Variants in EYS observed in about 807,000 individuals in gnomAD.
The protein encoded by EYS is protein eyes shut homolog.
EYS carries 250 observed loss-of-function variants against 282.1 expected under a neutral mutation model. The observed-to-expected ratio is 0.89, with a 90% confidence interval of 0.80 to 0.98. EYS has a LOEUF of 0.98. Among genes scored for constraint, EYS ranks in the 50% least tolerant of loss-of-function variants. The pLI, the probability that EYS is intolerant of heterozygous loss-of-function variation, is 0.00. For missense variants in EYS, 4,016 were observed against 3,709.0 expected, an observed-to-expected ratio of 1.08 and a Z score of -2.15; for synonymous variants, 1,355 against 1,282.9, an observed-to-expected ratio of 1.06 and a Z score of -1.20.
chr6:65,568,730 A>G (rs1441116572), intron 2 of EYS, among the ~76,000 whole-genome samples: 1 of 152,204 alleles, frequency 6.6e-6, no homozygotes, highest in Non-Finnish European at 1.5e-5. Flanking sequence ...GTTGAGAAAC[A>G]GTGCTGTGTA....
intron 12 of EYS, among the ~76,000 whole-genome samples, chr6:65,074,367 C>T (rs1484966304): frequency 2.0e-5 from 3 of 151,908 alleles, no homozygotes; most frequent in African/African-American, 7.2e-5. Flanking sequence ...TGAATGAATT[C>T]CGTGCAGCCC....
intron 1 of EYS, among the ~76,000 whole-genome samples, chr6:65,659,285 A>C (rs1048660978): frequency 1.2e-4 from 18 of 151,790 alleles, no homozygotes; most frequent in African/African-American, 4.1e-4. Flanking sequence ...TTTGTTTTCA[A>C]CAATTTTTAT....
At chr6:63,917,163 T>C (rs886279713) in intron 35 of EYS, among the ~76,000 whole-genome samples, 1 of 152,244 alleles carries the variant, frequency 6.6e-6, no homozygotes, top group African/African-American at 2.4e-5. Flanking sequence ...TGCACGCGCG[T>C]GCATGTGCAC....
At chr6:64,874,633 C>T (rs945266347) in intron 19 of EYS, among the ~76,000 whole-genome samples, 7 of 152,038 alleles carry the variant, frequency 4.6e-5, no homozygotes, top group South Asian at 2.1e-4. Context: ...CAGAGAATAA[C>T]GAAGTCAGTA....
At chr6:65,238,170 C>A (rs1186548349) in intron 12 of EYS, among the ~76,000 whole-genome samples, 2 of 151,296 alleles carry the variant, frequency 1.3e-5, no homozygotes, top group African/African-American at 4.8e-5. Flanking sequence ...TATTCATTTT[C>A]TATTAATTCC....
At chr6:65,442,242 T>C (rs1768359198) in intron 5 of EYS, among the ~76,000 whole-genome samples, 1 of 152,050 alleles carries the variant, frequency 6.6e-6, no homozygotes, top group African/African-American at 2.4e-5. Flanking sequence ...TTATTTCCTA[T>C]CTAAATATCT....
chr6:63,901,539 G>T (rs1356555607), intron 35 of EYS, among the ~76,000 whole-genome samples: 3 of 152,136 alleles, frequency 2.0e-5, no homozygotes, highest in Non-Finnish European at 4.4e-5. Flanking sequence ...ACCCCAGTTA[G>T]AATAAACACA....
intron 19 of EYS, among the ~76,000 whole-genome samples, chr6:64,861,872 T>C (rs1766248634): frequency 6.6e-6 from 1 of 152,332 alleles, no homozygotes; most frequent in South Asian, 2.1e-4. Flanking sequence ...TGCTTCTTTC[T>C]TTACATAGAT....
chr6:64,858,480 A>C (rs1029506980), intron 19 of EYS, among the ~76,000 whole-genome samples: 1 of 152,044 alleles, frequency 6.6e-6, no homozygotes, highest in African/African-American at 2.4e-5. Context: ...TGCTAGTACC[A>C]TGCTGTTTTT....
At chr6:64,144,884 G>C (rs191704693) in intron 31 of EYS, among the ~76,000 whole-genome samples, 1 of 152,260 alleles carries the variant, frequency 6.6e-6, no homozygotes, top group East Asian at 1.9e-4. Flanking sequence ...CTATGATACT[G>C]TGAACAAGAC....
chr6:64,018,771 T>TTTG (rs1769024012), intron 33 of EYS, among the ~76,000 whole-genome samples: 5 of 118,420 alleles, frequency 4.2e-5, no homozygotes, highest in African/African-American at 1.7e-4. Flanking sequence ...TTTTTTTTTT[T>TTTG]TTTTTTTTTT....
intron 35 of EYS, among the ~76,000 whole-genome samples, chr6:63,887,319 T>G (rs1482452): frequency 0.3 from 37,432 of 125,636 alleles, 5,164 homozygotes; most frequent in South Asian, 0.38. Context: ...AAGGTGTTTT[T>G]TTTTTTTTTT....
Position 64,553,549 on chromosome 6 carries a change from C to CCG in EYS, c.5644+36673_5644+36674insCG, listed in dbSNP as rs1554177815. 3.4e-5 allele frequency among the ~76,000 whole-genome samples: 4 copies of CCG among 118,356 alleles called. 1 individual carries two copies. Among genetic ancestry groups the CCG allele is most frequent in the African/African-American group, 1.3e-4 (4 of 29,934 alleles). The allele number at this position is 118,356 out of a possible 152,430, so 77.6% of individuals were successfully genotyped here. On this transcript the variant is annotated intron_variant, in intron 26 of 42. Transcript: ENST00000503581. ...AACATCTGTGACTTTTGTTTGACCC[C>CCG]CCCCCCCCCATAGGCAGTTACAAGG... is the stretch of plus-strand genomic sequence containing the variant.
intron 30 of EYS, among the ~76,000 whole-genome samples, chr6:64,288,579 T>TC (rs1005239754): frequency 2.0e-5 from 3 of 152,120 alleles, no homozygotes; most frequent in African/African-American, 7.2e-5. Flanking sequence ...TGGTCCAACT[T>TC]ATTACCAGAC....
At chr6:65,185,542 G>C (rs1765496923) in intron 12 of EYS, among the ~76,000 whole-genome samples, 1 of 151,752 alleles carries the variant, frequency 6.6e-6, no homozygotes, top group Non-Finnish European at 1.5e-5. Context: ...TGTAACCAAT[G>C]GTAGAATTAC....
chr6:64,841,729 T>G (rs1406601308), intron 19 of EYS, among the ~76,000 whole-genome samples: 2 of 152,146 alleles, frequency 1.3e-5, no homozygotes, highest in Non-Finnish European at 2.9e-5. Context: ...CACTATCACA[T>G]TGGTAGTTTA....
chr6:65,376,443 C>T (rs139401673), intron 8 of EYS, among the ~76,000 whole-genome samples: 1,681 of 152,168 alleles, frequency 0.011, 13 homozygotes, highest in South Asian at 0.026. Flanking sequence ...TAAAGACCAA[C>T]GAAACTAAGA....
At chr6:64,877,505 T>C (rs1766785029) in intron 19 of EYS, among the ~76,000 whole-genome samples, 1 of 152,190 alleles carries the variant, frequency 6.6e-6, no homozygotes, top group Non-Finnish European at 1.5e-5. Context: ...GATCCACTAA[T>C]AGTAAGAGAA....
At chr6:64,741,020 T>C (rs1772354864) in intron 22 of EYS, among the ~76,000 whole-genome samples, 1 of 152,160 alleles carries the variant, frequency 6.6e-6, no homozygotes, top group East Asian at 1.9e-4. Flanking sequence ...GCCATGAATG[T>C]TCTTAATGAC....
Sources: gnomAD v4.1 joint callset for allele counts (sites outside exome capture counted in the v4.1 genomes callset) on GRCh38, gnomAD v4.1.1 for gene constraint, MANE v1.5 for transcripts, NCBI Gene and HGNC (gene_info 2026-07-23, HGNC 2026-07-21) for gene names.